The following CHM variants were observed in gnomAD, a reference collection of about 807,000 sequenced individuals.
The protein encoded by CHM is CHM Rab escort protein, also known as rab proteins geranylgeranyltransferase component A 1.
Under a neutral mutation model 49.0 loss-of-function variants are expected in CHM, and 10 were observed. The observed-to-expected ratio is 0.20, with a 90% CI of 0.13 to 0.35. The LOEUF (loss-of-function observed/expected upper bound fraction) is 0.35. Among genes scored for constraint, CHM ranks in the 10% least tolerant of loss-of-function variants. CHM has a pLI of 1.00. For synonymous variants in CHM, 184 were observed against 167.5 expected, an observed-to-expected ratio of 1.10 and a Z score of -0.76; for missense variants, 455 against 478.4, an observed-to-expected ratio of 0.95 and a Z score of 0.46.
At chrX:85,979,007 A>T in intron 3 of CHM, 116 bp from the exon 4 acceptor site, 1 of 769,736 alleles carries the variant, frequency 1.3e-6, no homozygotes, top group South Asian at 2.3e-5. Flanking sequence ...ACCAAAACTC[A>T]AAGGATATCA....
intron 2 of CHM, among the ~76,000 whole-genome samples, chrX:86,016,164 C>A (rs972003271): frequency 4.5e-5 from 5 of 110,600 alleles, no homozygotes; most frequent in African/African-American, 1.6e-4. Context: ...AGGTGACTCA[C>A]GTGCCGTTAA....
chrX:85,929,876 CG>C (rs1394221487), intron 8 of CHM, among the ~76,000 whole-genome samples: 2 of 107,528 alleles, frequency 1.9e-5, no homozygotes, highest in Non-Finnish European at 3.9e-5. Context: ...GCAAGACAGA[CG>C]GATCACTTGA....
At chrX:85,918,583 T>C (rs970702155) in intron 8 of CHM, among the ~76,000 whole-genome samples, 5 of 111,095 alleles carry the variant, frequency 4.5e-5, no homozygotes, top group African/African-American at 1.6e-4. Flanking sequence ...AAGATAAACG[T>C]CCCACTTAAA....
intron 3 of CHM, 122 bp from the exon 4 acceptor site, chrX:85,979,013 T>C (rs1931448813): frequency 1.4e-6 from 1 of 730,867 alleles, no homozygotes; most frequent in Non-Finnish European, 2.0e-6. Flanking sequence ...ACTCAAAGGA[T>C]ATCACCTCAG....
intron 2 of CHM, among the ~76,000 whole-genome samples, chrX:86,021,908 A>G (rs2147783824): frequency 8.9e-6 from 1 of 112,324 alleles, no homozygotes; most frequent in East Asian, 2.8e-4. Context: ...ACTAAGTGAA[A>G]TAAGCCAGTC....
At chrX:86,038,736 T>C in intron 1 of CHM, among the ~76,000 whole-genome samples, 1 of 111,887 alleles carries the variant, frequency 8.9e-6, no homozygotes, top group Non-Finnish European at 1.9e-5. Flanking sequence ...AACCAGGTCA[T>C]TCCGTTCACC....
At chrX:85,951,129 T>C (rs1343677485) in intron 8 of CHM, among the ~76,000 whole-genome samples, 1 of 112,146 alleles carries the variant, frequency 8.9e-6, no homozygotes, top group Non-Finnish European at 1.9e-5. Flanking sequence ...GAACTATTCT[T>C]AAATGCTTAT....
intron 2 of CHM, among the ~76,000 whole-genome samples, chrX:85,995,969 C>A (rs1266066690): frequency 8.9e-6 from 1 of 111,944 alleles, no homozygotes; most frequent in Admixed American, 9.5e-5. Context: ...TTTTATTTAT[C>A]TAAAGAGACA....
intron 7 of CHM, among the ~76,000 whole-genome samples, chrX:85,956,659 T>C (rs1169327685): frequency 1.8e-5 from 2 of 111,659 alleles, no homozygotes; most frequent in Admixed American, 1.9e-4. Context: ...TGGGTTGTCA[T>C]AGTTGGCAAT....
chrX:85,935,361 A>C (rs1706530111), intron 8 of CHM, among the ~76,000 whole-genome samples: 1 of 111,587 alleles, frequency 9.0e-6, no homozygotes, highest in Non-Finnish European at 1.9e-5. Flanking sequence ...TTTCAACATG[A>C]GATTTGGAGG....
intron 7 of CHM, 122 bp downstream of exon 7, chrX:85,957,733 G>A: frequency 1.2e-6 from 1 of 827,589 alleles, no homozygotes; most frequent in Non-Finnish European, 1.7e-6. Context: ...CTAACCTATT[G>A]ATAGTGCAGA....
intron 8 of CHM, among the ~76,000 whole-genome samples, chrX:85,940,944 C>T (rs6623546): frequency 9.0e-6 from 1 of 111,298 alleles, no homozygotes. Flanking sequence ...CCGATAAAAT[C>T]CATTTTCTAA....
chrX:85,894,304 T>C lies in CHM; in HGVS notation c.1414-20A>G. On this transcript the variant is annotated intron_variant, in intron 11 of 14. Transcript: ENST00000357749. ...GGAAATCTAAAAAGCAAAAATAAAG[T>C]ATCAGACACAGCTGTTAGATCTCAT... is the stretch of plus-strand genomic sequence containing the variant. The C allele has an allele frequency of 5.5e-6, 6 of 1,084,756 alleles. No homozygotes were observed. Among genetic ancestry groups the C allele is most frequent in the Non-Finnish European group, 7.7e-6 (6 of 780,167 alleles). 89.4% of individuals were successfully genotyped at this position (1,084,756 alleles called of 1,213,427 possible).
intron 2 of CHM, among the ~76,000 whole-genome samples, chrX:86,002,060 T>C (rs938369621): frequency 6.3e-5 from 7 of 111,493 alleles, no homozygotes; most frequent in African/African-American, 2.3e-4. Context: ...ATGAGTTTTA[T>C]AACTCCATAA....
chrX:85,936,029 A>T (rs752950538), intron 8 of CHM, among the ~76,000 whole-genome samples: 2 of 112,153 alleles, frequency 1.8e-5, no homozygotes, highest in Non-Finnish European at 3.8e-5. Flanking sequence ...TGTGCCTACC[A>T]AAGTTCTAGG....
intron 3 of CHM, among the ~76,000 whole-genome samples, chrX:85,981,353 C>G (rs1316698332): frequency 9.4e-6 from 1 of 105,888 alleles, no homozygotes; most frequent in East Asian, 3.0e-4. Context: ...CCTGCCTCAG[C>G]CTCCTGAGTA....
rs145097518 is a variant in CHM, at chrX:85,928,134, C to A, written c.1167-16796G>T. Reference sequence around the variant, plus strand: ...GAAGACAGGCTTCAGGGTTAGGGAACCTGTTAAGAGAGAAATATACTGTGT... The same window carrying A: ...GAAGACAGGCTTCAGGGTTAGGGAAACTGTTAAGAGAGAAATATACTGTGT... On this transcript the variant is annotated intron_variant, in intron 8 of 14. Coordinates refer to ENST00000357749, the MANE Select transcript of CHM (RefSeq NM_000390.4). Among the ~76,000 whole-genome samples the A allele has an allele frequency of 3.1e-3, 349 of 112,237 alleles. 5 individuals are homozygous for A. In the East Asian group the frequency reaches 0.044, roughly 14 times the overall value.
chrX:85,927,011 A>G (rs1410169422), intron 8 of CHM, among the ~76,000 whole-genome samples: 1 of 111,636 alleles, frequency 9.0e-6, no homozygotes, highest in Non-Finnish European at 1.9e-5. Flanking sequence ...GGGAATACTA[A>G]TTTGAAAAAA....
chrX:86,021,636 G>A (rs1044194976), intron 2 of CHM, among the ~76,000 whole-genome samples: 2 of 110,979 alleles, frequency 1.8e-5, no homozygotes, highest in African/African-American at 6.5e-5. Flanking sequence ...AAAATTAAGA[G>A]TGGAACTACT....
Sources: allele counts gnomAD v4.1 joint callset (sites outside exome capture counted in the v4.1 genomes callset), GRCh38; gene constraint gnomAD v4.1.1; transcripts MANE v1.5; gene names NCBI Gene and HGNC (gene_info 2026-07-23, HGNC 2026-07-21).